EPB41L2: variants seen among roughly 807,000 people sequenced by gnomAD.
EPB41L2 encodes band 4.1-like protein 2.
A neutral mutation model predicts 113.0 loss-of-function variants in EPB41L2; 43 were observed. That is an observed-to-expected ratio of 0.38 (90% CI 0.30 to 0.49). The LOEUF (loss-of-function observed/expected upper bound fraction) is 0.49, where lower values mean the gene tolerates loss of function less well. EPB41L2 is among the 20% of genes least tolerant of loss of function. The pLI is 0.95. For missense variants in EPB41L2, 1,147 were observed against 1,223.4 expected, an observed-to-expected ratio of 0.94 and a Z score of 0.93; for synonymous variants, 442 against 436.7, an observed-to-expected ratio of 1.01 and a Z score of -0.15.
At chr6:131,061,951 AG>A (rs1185771480) in intron 1 of EPB41L2, among the ~76,000 whole-genome samples, 1 of 152,202 alleles carries the variant, frequency 6.6e-6, no homozygotes, top group African/African-American at 2.4e-5. Context: ...TTCAGAGGCA[AG>A]AAGTTCAAGA....
chr6:131,057,234 C>T (rs900007359), intron 1 of EPB41L2, among the ~76,000 whole-genome samples: 4 of 152,098 alleles, frequency 2.6e-5, no homozygotes, highest in African/African-American at 9.7e-5. Context: ...CACTTGTGCA[C>T]ACACACACAG....
At chr6:130,937,785 C>T (rs1022640142) in intron 3 of EPB41L2, among the ~76,000 whole-genome samples, 4 of 146,580 alleles carry the variant, frequency 2.7e-5, no homozygotes, top group Non-Finnish European at 3.0e-5. Context: ...CACTGCCCTC[C>T]GGCCTGGGTG....
At chr6:131,005,953 C>G (rs1785410294) in intron 1 of EPB41L2, among the ~76,000 whole-genome samples, 2 of 152,168 alleles carry the variant, frequency 1.3e-5, no homozygotes, top group African/African-American at 4.8e-5. Flanking sequence ...TCCCTGACAG[C>G]AGATAGCCTC....
rs368813677 is a variant in EPB41L2, at chr6:130,863,676, T to C, written c.2872A>G (p.Ile958Val). The C allele has an allele frequency of 2.7e-5, 43 of 1,613,694 alleles. No homozygotes were observed. Among genetic ancestry groups the C allele is most frequent in the Non-Finnish European group, 3.5e-5 (41 of 1,179,704 alleles). Reference protein sequence around the residue: ...GISETRIEKRIVITGDGDIDH... With the variant: ...GISETRIEKRVVITGDGDIDH... ...ATATCTCCATCTCCTGTGATCACAA[T>C]GCGTTTCTCAATTCTTGTTTCAGAA... Residue 958 changes from isoleucine (I) to valine (V), a missense_variant, in exon 18 of 20, where the codon ATT (isoleucine) becomes GTT (valine). By Grantham distance (29) the Ile-to-Val change is conservative. Coordinates refer to ENST00000337057, the MANE Select transcript of EPB41L2 (RefSeq NM_001431.4).
intron 4 of EPB41L2, among the ~76,000 whole-genome samples, chr6:130,918,112 C>T (rs1189308665): frequency 1.3e-5 from 2 of 152,178 alleles, no homozygotes; most frequent in Non-Finnish European, 2.9e-5. Flanking sequence ...GAAACATTCA[C>T]TACACATCTG....
intron 1 of EPB41L2, among the ~76,000 whole-genome samples, chr6:130,962,274 G>A (rs562929880): frequency 3.9e-5 from 6 of 152,174 alleles, no homozygotes; most frequent in Admixed American, 3.9e-4. Flanking sequence ...AGGAGAGGTG[G>A]GGCAGAGGGG....
At chr6:130,973,947 A>G (rs1777520845) in intron 1 of EPB41L2, among the ~76,000 whole-genome samples, 1 of 152,198 alleles carries the variant, frequency 6.6e-6, no homozygotes, top group Non-Finnish European at 1.5e-5. Context: ...CTTCTAACCT[A>G]TAGCAGCACT....
chr6:130,839,886 G>C lies in EPB41L2; in HGVS notation c.*718C>G, dbSNP rs185848521. On this transcript the variant is annotated 3_prime_UTR_variant, in exon 20 of 20. Coordinates refer to ENST00000337057, the MANE Select transcript of EPB41L2 (RefSeq NM_001431.4). Reference sequence around the variant, plus strand: ...AAGCATTGGCACTGTGGTGCGGCAGGGTCTCTAAGCACAGTGCACAGTCAG... The same window carrying C: ...AAGCATTGGCACTGTGGTGCGGCAGCGTCTCTAAGCACAGTGCACAGTCAG... 6.6e-6 allele frequency: 1 copy of C among 152,144 alleles called. No individual in the cohort carries two copies. The highest frequency in any genetic ancestry group is 1.9e-4 in the East Asian group (1 of 5,196). The allele number at this position is 152,144 out of a possible 1,614,324, so 9.4% of individuals were successfully genotyped here.
At chr6:130,940,277 G>C (rs974378717) in intron 3 of EPB41L2, among the ~76,000 whole-genome samples, 1 of 152,142 alleles carries the variant, frequency 6.6e-6, no homozygotes, top group African/African-American at 2.4e-5. Flanking sequence ...AGCCAGGAAA[G>C]TGGTTTGCCC....
intron 1 of EPB41L2, among the ~76,000 whole-genome samples, chr6:130,994,587 G>A (rs1225231595): frequency 6.6e-6 from 1 of 152,198 alleles, no homozygotes; most frequent in Non-Finnish European, 1.5e-5. Flanking sequence ...CAAAAGGACT[G>A]TGTCTGCAGT....
intron 19 of EPB41L2, among the ~76,000 whole-genome samples, chr6:130,846,046 G>A (rs1197458416): frequency 2.0e-5 from 3 of 152,162 alleles, no homozygotes; most frequent in Non-Finnish European, 2.9e-5. Flanking sequence ...CGCCTCAAGA[G>A]AAACAATTGA....
At chr6:130,982,627 T>C (rs1779634775) in intron 1 of EPB41L2, among the ~76,000 whole-genome samples, 1 of 152,220 alleles carries the variant, frequency 6.6e-6, no homozygotes, top group South Asian at 2.1e-4. Flanking sequence ...TTCCAAGAAT[T>C]ATGCAACGTT....
chr6:130,897,656 A>T (rs913811111), intron 8 of EPB41L2, among the ~76,000 whole-genome samples: 1 of 152,322 alleles, frequency 6.6e-6, no homozygotes, highest in Admixed American at 6.5e-5. Context: ...GGTCTCAAAC[A>T]TATTTTTTCC....
intron 1 of EPB41L2, among the ~76,000 whole-genome samples, chr6:130,964,194 G>C (rs895927425): frequency 2.0e-5 from 3 of 151,944 alleles, no homozygotes; most frequent in Non-Finnish European, 4.4e-5. Context: ...GCTAATTTTT[G>C]TATTTTTAGT....
intron 18 of EPB41L2, among the ~76,000 whole-genome samples, chr6:130,859,296 C>T (rs535957569): frequency 7.2e-5 from 11 of 152,054 alleles, no homozygotes; most frequent in Admixed American, 2.6e-4. Context: ...CCAACGCGGG[C>T]GATCACTTGA....
At chr6:130,952,834 G>A (rs1349915986) in intron 3 of EPB41L2, among the ~76,000 whole-genome samples, 4 of 151,432 alleles carry the variant, frequency 2.6e-5, no homozygotes, top group Admixed American at 6.6e-5. Flanking sequence ...TAAAACACAT[G>A]GCAAAATGGT....
chr6:130,864,551 A>G (rs1783120494), intron 17 of EPB41L2, among the ~76,000 whole-genome samples: 1 of 152,192 alleles, frequency 6.6e-6, no homozygotes, highest in African/African-American at 2.4e-5. Flanking sequence ...TGAGGAGATC[A>G]TCTGGCTGTG....
At chr6:131,037,726 C>A (rs189909481) in intron 1 of EPB41L2, among the ~76,000 whole-genome samples, 28 of 151,912 alleles carry the variant, frequency 1.8e-4, no homozygotes, top group Admixed American at 3.3e-4. Flanking sequence ...GTAGCTGGGA[C>A]AACAGGCATG....
chr6:130,876,511 C>T lies in EPB41L2; in HGVS notation c.2043+1593G>A, dbSNP rs79237553. On this transcript the variant is annotated intron_variant, in intron 14 of 19. Transcript: ENST00000337057. ...ATATGGTATTTCTCATCCAACAATCCTATGCTTCTATACACAGGGGATTTA... is the reference window on the plus strand; with the variant it reads ...ATATGGTATTTCTCATCCAACAATCTTATGCTTCTATACACAGGGGATTTA... 3.8e-3 allele frequency among the ~76,000 whole-genome samples: 579 copies of T among 152,244 alleles called. 5 individuals carry two copies. The highest frequency in any genetic ancestry group is 0.013 in the African/African-American group (548 of 41,546).
Sources: allele counts gnomAD v4.1 joint callset (sites outside exome capture counted in the v4.1 genomes callset), GRCh38; gene constraint gnomAD v4.1.1; transcripts MANE v1.5; gene names NCBI Gene and HGNC (gene_info 2026-07-23, HGNC 2026-07-21).